Variants in ANKRD6 observed in about 807,000 individuals in gnomAD.
The protein encoded by ANKRD6 is ankyrin repeat domain 6.
A neutral mutation model predicts 82.3 loss-of-function variants in ANKRD6; 56 were observed. The ratio of observed to expected loss-of-function variants is 0.68; its 90% CI spans 0.55 to 0.85. The LOEUF is 0.85. Ranked by LOEUF, ANKRD6 falls within the 40% of genes least tolerant of loss-of-function variation. The pLI is 0.00. For missense variants in ANKRD6, 852 were observed against 907.6 expected (o/e 0.94, Z 0.79); for synonymous variants, 347 against 352.1 (o/e 0.99, Z 0.16).
chr6:89,580,051 A>C (rs1792141306), intron 2 of ANKRD6, among the ~76,000 whole-genome samples: 1 of 152,146 alleles, frequency 6.6e-6, no homozygotes, highest in Non-Finnish European at 1.5e-5. Context: ...GAAATTATTG[A>C]CTGCAAAGGA....
At chr6:89,585,931 A>G (rs1274843366) in intron 2 of ANKRD6, among the ~76,000 whole-genome samples, 2 of 152,188 alleles carry the variant, frequency 1.3e-5, no homozygotes, top group Non-Finnish European at 2.9e-5. Context: ...CTAGGGCCAG[A>G]TGGTTTCATG....
chr6:89,530,894 C>T (rs529068848), intron 1 of ANKRD6, among the ~76,000 whole-genome samples: 4 of 152,342 alleles, frequency 2.6e-5, no homozygotes, highest in African/African-American at 9.6e-5. Context: ...ACTTGAAAGT[C>T]ATGGATACTA....
intron 1 of ANKRD6, among the ~76,000 whole-genome samples, chr6:89,512,180 C>G (rs1780630140): frequency 6.6e-6 from 1 of 152,068 alleles, no homozygotes; most frequent in South Asian, 2.1e-4. Flanking sequence ...CCTGTATGGG[C>G]CATGTAGATA....
chr6:89,458,157 C>G (rs189020784), intron 1 of ANKRD6, among the ~76,000 whole-genome samples: 83 of 152,230 alleles, frequency 5.5e-4, no homozygotes, highest in Non-Finnish European at 6.2e-4. Flanking sequence ...GCCACTGAGT[C>G]TATGGTATTC....
intron 1 of ANKRD6, among the ~76,000 whole-genome samples, chr6:89,513,306 C>T (rs1465496675): frequency 6.6e-6 from 1 of 152,122 alleles, no homozygotes; most frequent in Non-Finnish European, 1.5e-5. Context: ...AAAGGGAATG[C>T]CATCACGTAA....
At chr6:89,451,201 C>T (rs568468751) in intron 1 of ANKRD6, among the ~76,000 whole-genome samples, 11 of 152,072 alleles carry the variant, frequency 7.2e-5, no homozygotes, top group East Asian at 3.9e-4. Flanking sequence ...CTCAGCTGCT[C>T]GGAAGGCTGA....
intron 2 of ANKRD6, among the ~76,000 whole-genome samples, chr6:89,570,042 CGT>C (rs1301860033): frequency 7.6e-6 from 1 of 132,228 alleles, no homozygotes; most frequent in African/African-American, 2.9e-5. Context: ...ATGTTATACT[CGT>C]GTGTGTGTAT....
In ANKRD6 at chr6:89,566,882, A is replaced by C; in HGVS notation, c.-95A>C. On this transcript the variant is annotated 5_prime_UTR_variant, in exon 2 of 16. Transcript: ENST00000339746. ...AAGACATCTTCTGATGATTGTGAAC[A>C]TCTTTACCTCTGGGTGCCAGGCCGG... 6.8e-7 allele frequency: 1 copy of C among 1,476,260 alleles called. No individual in the cohort carries two copies. The highest frequency in any genetic ancestry group is 2.5e-5 in the East Asian group (1 of 40,162). 91.4% of individuals were successfully genotyped at this position (1,476,260 alleles called of 1,614,324 possible).
intron 1 of ANKRD6, among the ~76,000 whole-genome samples, chr6:89,564,489 CA>C (rs1312297200): frequency 6.6e-6 from 1 of 152,116 alleles, no homozygotes; most frequent in African/African-American, 2.4e-5. Context: ...GCAGCTATGG[CA>C]TAAGTGTACT....
At chr6:89,453,851 G>C (rs1456014777) in intron 1 of ANKRD6, among the ~76,000 whole-genome samples, 1 of 151,644 alleles carries the variant, frequency 6.6e-6, no homozygotes, top group Non-Finnish European at 1.5e-5. Context: ...GCCCAGGCTT[G>C]AGTGCAGTGG....
chr6:89,515,319 A>G (rs561663643), intron 1 of ANKRD6, among the ~76,000 whole-genome samples: 2 of 152,334 alleles, frequency 1.3e-5, no homozygotes, highest in South Asian at 4.1e-4. Flanking sequence ...CAAATCAGCA[A>G]ATGCCACAAA....
intron 1 of ANKRD6, among the ~76,000 whole-genome samples, chr6:89,533,941 C>T (rs973007759): frequency 6.6e-6 from 1 of 152,066 alleles, no homozygotes. Flanking sequence ...TTCTGAAATC[C>T]AGTATATACC....
At chr6:89,451,452 G>A (rs1321283067) in intron 1 of ANKRD6, among the ~76,000 whole-genome samples, 4 of 152,240 alleles carry the variant, frequency 2.6e-5, no homozygotes, top group Admixed American at 2.0e-4. Flanking sequence ...TGGTAGCTCT[G>A]TATCATTTCT....
At chr6:89,595,479 A>G (rs1180197672) in intron 2 of ANKRD6, among the ~76,000 whole-genome samples, 1 of 151,828 alleles carries the variant, frequency 6.6e-6, no homozygotes. Flanking sequence ...CAACAGTTTT[A>G]ATTTTCACCT....
intron 2 of ANKRD6, among the ~76,000 whole-genome samples, chr6:89,582,774 A>T (rs1792854124): frequency 1.3e-5 from 2 of 152,134 alleles, no homozygotes; most frequent in South Asian, 4.1e-4. Flanking sequence ...ACCCTGCCCA[A>T]GTTATTAGCC....
At chr6:89,497,721 G>T (rs1778802819) in intron 1 of ANKRD6, among the ~76,000 whole-genome samples, 1 of 151,906 alleles carries the variant, frequency 6.6e-6, no homozygotes, top group Non-Finnish European at 1.5e-5. Context: ...TTTTATTAAG[G>T]TATAATTTAT....
intron 1 of ANKRD6, among the ~76,000 whole-genome samples, chr6:89,494,286 A>G (rs940337139): frequency 3.9e-5 from 6 of 152,236 alleles, no homozygotes; most frequent in African/African-American, 1.4e-4. Flanking sequence ...CTGAAGGCAG[A>G]TAACTCTTGA....
At chr6:89,607,725 G>A (rs369334425) in intron 5 of ANKRD6, among the ~76,000 whole-genome samples, 24 of 148,896 alleles carry the variant, frequency 1.6e-4, no homozygotes, top group African/African-American at 5.7e-4. Flanking sequence ...GCACACTGTC[G>A]GCTTATTGCA....
At chr6:89,478,649 G>A (rs1776372246) in intron 1 of ANKRD6, among the ~76,000 whole-genome samples, 1 of 151,182 alleles carries the variant, frequency 6.6e-6, no homozygotes, top group Non-Finnish European at 1.5e-5. Context: ...GAGGGGGCGG[G>A]GTGGTGCTGA....
Sources: gnomAD v4.1 joint callset for allele counts (sites outside exome capture counted in the v4.1 genomes callset) on GRCh38, gnomAD v4.1.1 for gene constraint, MANE v1.5 for transcripts, NCBI Gene and HGNC (gene_info 2026-07-23, HGNC 2026-07-21) for gene names.